The following PPP4R3B variants were observed in gnomAD, a reference collection of about 807,000 sequenced individuals.
PPP4R3B encodes protein phosphatase 4 regulatory subunit 3B.
A neutral mutation model predicts 95.4 loss-of-function variants in PPP4R3B; 52 were observed. The observed-to-expected ratio is 0.54, with a 90% confidence interval of 0.44 to 0.69. The LOEUF (loss-of-function observed/expected upper bound fraction) is 0.69, where lower values mean the gene tolerates loss of function less well. Among genes scored for constraint, PPP4R3B ranks in the 30% least tolerant of loss-of-function variants. The probability of loss-of-function intolerance (pLI) is 0.00; values close to 1 mark genes in which losing one functional copy is unlikely to be tolerated. For synonymous variants in PPP4R3B, 407 were observed against 343.9 expected, an observed-to-expected ratio of 1.18 and a Z score of -2.03; for missense variants, 1,003 against 1,005.9, an observed-to-expected ratio of 1.00 and a Z score of 0.04.
intron 5 of PPP4R3B, among the ~76,000 whole-genome samples, chr2:55,586,946 G>T (rs1195563192): frequency 2.0e-5 from 3 of 152,142 alleles, no homozygotes; most frequent in African/African-American, 7.2e-5. Flanking sequence ...AGCAAAAAGA[G>T]AAATCCACCA....
At chr2:55,612,451 C>T (rs1365179082) in intron 2 of PPP4R3B, among the ~76,000 whole-genome samples, 1 of 152,140 alleles carries the variant, frequency 6.6e-6, no homozygotes, top group Non-Finnish European at 1.5e-5. Context: ...ACAGCCACTG[C>T]TCACACCTGT....
intron 4 of PPP4R3B, among the ~76,000 whole-genome samples, chr2:55,592,226 A>T (rs1318444580): frequency 6.6e-6 from 1 of 152,210 alleles, no homozygotes; most frequent in African/African-American, 2.4e-5. Flanking sequence ...GTCCAATTTT[A>T]AATTTCAAGA....
chr2:55,599,833 T>G (rs1369852830), intron 3 of PPP4R3B, among the ~76,000 whole-genome samples: 2 of 152,212 alleles, frequency 1.3e-5, no homozygotes, highest in Non-Finnish European at 2.9e-5. Flanking sequence ...AGGCTTCCTT[T>G]GAATAAAAAG....
intron 11 of PPP4R3B, among the ~76,000 whole-genome samples, chr2:55,576,128 C>T (rs917024857): frequency 4.0e-5 from 6 of 151,762 alleles, no homozygotes; most frequent in African/African-American, 7.3e-5. Context: ...GGGTGGATCG[C>T]CTGAGGTCAG....
intron 15 of PPP4R3B, 60 bp downstream of exon 15, chr2:55,564,253 C>T: frequency 7.1e-7 from 1 of 1,408,764 alleles, no homozygotes; most frequent in Non-Finnish European, 9.4e-7. Flanking sequence ...CACAAAGCAA[C>T]AAAATAATTT....
At position 55,598,829 on chromosome 2, in the gene PPP4R3B, C is replaced by A; in HGVS notation, c.508G>T (p.Gly170Cys). 1.2e-6 allele frequency: 2 copies of A among 1,614,144 alleles called. No individual in the cohort carries two copies. Among genetic ancestry groups the A allele is most frequent in the Non-Finnish European group, 1.7e-6 (2 of 1,180,032 alleles). ...EKLALALENEGYIKKLLQLFQ... is the reference protein window; with the variant it reads ...EKLALALENECYIKKLLQLFQ... ...AGCTGCAATAGTTTTTTAATATAGC[C>A]TTCATTTTCCAAGGCGAGAGCCAGC... Residue 170 changes from glycine to cysteine, a missense_variant, in exon 4 of 17, where the codon GGC (glycine) becomes TGC (cysteine). Physicochemically the swap from Gly to Cys is radical, Grantham distance 159 (BLOSUM62 -3). Transcript: ENST00000616407.
chr2:55,613,656 A>G (rs947072468), intron 2 of PPP4R3B, among the ~76,000 whole-genome samples: 1 of 152,148 alleles, frequency 6.6e-6, no homozygotes, highest in Non-Finnish European at 1.5e-5. Context: ...CCATAATGTG[A>G]TGTTTCCAAA....
chr2:55,571,011 T>C (rs1558970447), intron 12 of PPP4R3B, among the ~76,000 whole-genome samples: 1 of 152,114 alleles, frequency 6.6e-6, no homozygotes, highest in Non-Finnish European at 1.5e-5. Context: ...ATATAAACAT[T>C]TAAATATTGG....
At chr2:55,605,899 C>T (rs1364642146) in intron 2 of PPP4R3B, among the ~76,000 whole-genome samples, 3 of 136,460 alleles carry the variant, frequency 2.2e-5, no homozygotes, top group South Asian at 2.4e-4. Context: ...TGCGAGACTC[C>T]GTCTCAAAAA....
At chr2:55,573,502 G>A (rs1688265618) in intron 12 of PPP4R3B, 117 bp downstream of exon 12, 3 of 948,198 alleles carry the variant, frequency 3.2e-6, no homozygotes, top group Non-Finnish European at 4.6e-6. Flanking sequence ...CAAAAGAATA[G>A]GACTTCTCAC....
At chr2:55,615,415 T>C (rs1032877374) in intron 2 of PPP4R3B, 36 bp downstream of exon 2, 2 of 1,438,340 alleles carry the variant, frequency 1.4e-6, no homozygotes, top group Non-Finnish European at 1.9e-6. Context: ...TGATCACAGA[T>C]GAAGTCTTTC....
At chr2:55,590,721 T>C (rs1037559854) in intron 4 of PPP4R3B, among the ~76,000 whole-genome samples, 1 of 152,212 alleles carries the variant, frequency 6.6e-6, no homozygotes, top group Admixed American at 6.5e-5. Flanking sequence ...GTAACAATAG[T>C]ATCTGTAGAG....
At chr2:55,609,515 C>G (rs1220805799) in intron 2 of PPP4R3B, among the ~76,000 whole-genome samples, 3 of 151,692 alleles carry the variant, frequency 2.0e-5, no homozygotes, top group African/African-American at 7.3e-5. Context: ...AATCCCATAT[C>G]TACAAAAAAT....
At chr2:55,557,859 T>C (rs1686058528) in intron 16 of PPP4R3B, among the ~76,000 whole-genome samples, 1 of 152,158 alleles carries the variant, frequency 6.6e-6, no homozygotes, top group Non-Finnish European at 1.5e-5. Context: ...AAATGTTTCA[T>C]ATAAAATTTA....
chr2:55,565,284 GATTT>G (rs1239027970), intron 13 of PPP4R3B, among the ~76,000 whole-genome samples: 6 of 147,056 alleles, frequency 4.1e-5, no homozygotes, highest in African/African-American at 1.5e-4. Context: ...AAAGTAAATA[GATTT>G]ATTTTACATC....
In PPP4R3B at chr2:55,585,158, C is replaced by T. The variant is rs1269150442; in HGVS notation, c.1126G>A (p.Asp376Asn). 2 of 1,597,578 alleles carry T rather than the reference C, an allele frequency of 1.3e-6. No individual in the cohort carries two copies. Among genetic ancestry groups the T allele is most frequent in the East Asian group, 2.2e-5 (1 of 44,580 alleles). ...PALEIVMGMDDLQVRSAATDI... is the reference protein window; with the variant it reads ...PALEIVMGMDNLQVRSAATDI... ...GTAGCAGCTGATCTGACTTGCAAAT[C>T]ATCCATGCCCTGATAAAAGGAAAAT... Residue 376 changes from aspartate (D) to asparagine (N), a missense_variant, in exon 7 of 17, where the codon GAT becomes AAT. Asp to Asn is a conservative substitution (Grantham distance 23). Coordinates refer to ENST00000616407, the MANE Select transcript of PPP4R3B (RefSeq NM_001122964.3).
At chr2:55,611,698 A>G (rs930251236) in intron 2 of PPP4R3B, among the ~76,000 whole-genome samples, 1 of 152,238 alleles carries the variant, frequency 6.6e-6, no homozygotes, top group African/African-American at 2.4e-5. Context: ...TAATGTTAAA[A>G]GAAGAATGTT....
intron 2 of PPP4R3B, among the ~76,000 whole-genome samples, chr2:55,604,532 T>A (rs1019153983): frequency 6.6e-6 from 1 of 151,244 alleles, no homozygotes; most frequent in South Asian, 2.1e-4. Flanking sequence ...CTTTTTTTTT[T>A]ATATATCTGG....
intron 4 of PPP4R3B, 50 bp downstream of exon 4, chr2:55,598,366 G>C: frequency 1.3e-6 from 2 of 1,562,462 alleles, no homozygotes; most frequent in South Asian, 1.2e-5. Context: ...AACTATTAAG[G>C]GAACTAAATA....
Sources: gnomAD v4.1 joint callset for allele counts (sites outside exome capture counted in the v4.1 genomes callset) on GRCh38, gnomAD v4.1.1 for gene constraint, MANE v1.5 for transcripts, NCBI Gene and HGNC (gene_info 2026-07-23, HGNC 2026-07-21) for gene names.